The following ITPKB variants were observed in gnomAD, a reference collection of about 807,000 sequenced individuals.
ITPKB encodes the protein inositol-trisphosphate 3-kinase B, also known as IP3 3-kinase B.
In ITPKB, 13 loss-of-function variants were observed where a neutral mutation model predicts 69.4. The observed-to-expected ratio is 0.19, with a 90% CI of 0.12 to 0.30. ITPKB has a LOEUF of 0.30. Ranked by LOEUF, ITPKB falls within the 10% of genes least tolerant of loss-of-function variation. The pLI, the probability that ITPKB is intolerant of heterozygous loss-of-function variation, is 1.00. For synonymous variants in ITPKB, 584 were observed against 513.7 expected, an observed-to-expected ratio of 1.14 and a Z score of -1.85; for missense variants, 1,240 against 1,250.5, an observed-to-expected ratio of 0.99 and a Z score of 0.13.
At chr1:226,640,785 G>T (rs1386309063) in intron 5 of ITPKB, among the ~76,000 whole-genome samples, 1 of 152,180 alleles carries the variant, frequency 6.6e-6, no homozygotes, top group African/African-American at 2.4e-5. Context: ...GACAAAGAAG[G>T]GGGCAAATGC....
chr1:226,706,494 T>C (rs551832673), intron 2 of ITPKB, among the ~76,000 whole-genome samples: 16 of 152,194 alleles, frequency 1.1e-4, no homozygotes, highest in Non-Finnish European at 1.5e-4. Context: ...TTGTTATCAA[T>C]GTCCTGAAAG....
At chr1:226,695,136 A>C (rs914770224) in intron 2 of ITPKB, among the ~76,000 whole-genome samples, 1 of 152,172 alleles carries the variant, frequency 6.6e-6, no homozygotes, top group South Asian at 2.1e-4. Context: ...AGGCTGAGGC[A>C]AGAGAATTGC....
intron 2 of ITPKB, among the ~76,000 whole-genome samples, chr1:226,663,146 ATG>A (rs1212435222): frequency 1.3e-5 from 2 of 152,066 alleles, no homozygotes; most frequent in African/African-American, 2.4e-5. Flanking sequence ...GTGTGACGAT[ATG>A]TGTGATTTTC....
chr1:226,677,675 G>T (rs191057390), intron 2 of ITPKB, among the ~76,000 whole-genome samples: 1 of 152,340 alleles, frequency 6.6e-6, no homozygotes, highest in Non-Finnish European at 1.5e-5. Context: ...GAAGCAAAGA[G>T]AAACTGACGG....
chr1:226,702,090 T>TC (rs1163535090), intron 2 of ITPKB, among the ~76,000 whole-genome samples: 2 of 152,068 alleles, frequency 1.3e-5, no homozygotes, highest in South Asian at 4.2e-4. Context: ...GGGAAATTAT[T>TC]CCCCCAAGAG....
chr1:226,722,137 A>C (rs1657262404), intron 2 of ITPKB, among the ~76,000 whole-genome samples: 2 of 152,208 alleles, frequency 1.3e-5, no homozygotes, highest in African/African-American at 4.8e-5. Context: ...GAAGTTGCTC[A>C]AGTCTTCTTT....
At chr1:226,665,276 C>T (rs752360327) in intron 2 of ITPKB, among the ~76,000 whole-genome samples, 5 of 152,126 alleles carry the variant, frequency 3.3e-5, no homozygotes, top group African/African-American at 9.7e-5. Context: ...GAGTTTGAGC[C>T]GCTGGATTTA....
At chr1:226,655,607 T>C (rs998639367) in intron 2 of ITPKB, among the ~76,000 whole-genome samples, 4 of 152,230 alleles carry the variant, frequency 2.6e-5, no homozygotes, top group African/African-American at 9.6e-5. Flanking sequence ...CTGGCCTTGC[T>C]TCCTGTCCCT....
rs373220209 is a variant in ITPKB at position 226,737,141 on chromosome 1, C to T, written c.318G>A (p.Leu106=). ...CCACCACCTGCTGCCGGTCCCCTCG[C>T]AGGCGACCAGCCCAACTTGGGCTGC... The part of the protein sequence containing the change: ...SVSSPSWAGR[L]RGDRQQVVAA... The change falls in exon 2 of 8, where the codon CTG becomes CTA. Residue 106 remains leucine, a synonymous_variant. Transcript: ENST00000429204. 20 of 1,600,744 alleles carry T rather than the reference C, an allele frequency of 1.2e-5. No individual in the cohort carries two copies. The highest frequency in any genetic ancestry group is 1.1e-4 in the East Asian group (5 of 44,826).
Position 226,735,936 on chromosome 1 carries a change from A to G in ITPKB, c.1523T>C (p.Val508Ala). ...GGCTTTCTCCATGGTGCCCTGCCAA[A>G]CCCTGGAGTTCCCAGGCTGCACACC... Reference protein sequence around the residue: ...RVGVQPGNSRVWQGTMEKAGL... With the variant: ...RVGVQPGNSRAWQGTMEKAGL... Residue 508 changes from valine to alanine, a missense_variant, in exon 2 of 8, where the codon GTT (valine) becomes GCT (alanine). Physicochemically the swap from Val to Ala is moderately conservative, Grantham distance 64. Coordinates refer to ENST00000429204, the MANE Select transcript of ITPKB (RefSeq NM_002221.4). 2 of 1,613,996 alleles carry G rather than the reference A, an allele frequency of 1.2e-6. No individual in the cohort carries two copies. The highest frequency in any genetic ancestry group is 8.5e-7 in the Non-Finnish European group (1 of 1,179,984).
chr1:226,733,795 T>C (rs545071252), intron 2 of ITPKB, among the ~76,000 whole-genome samples: 2 of 152,352 alleles, frequency 1.3e-5, no homozygotes, highest in East Asian at 3.8e-4. Flanking sequence ...GGCATCGTTC[T>C]GGCAAATGGA....
At chr1:226,644,180 C>T (rs183676424) in intron 4 of ITPKB, among the ~76,000 whole-genome samples, 1 of 152,372 alleles carries the variant, frequency 6.6e-6, no homozygotes. Flanking sequence ...CAGTCACTCA[C>T]TGCCCAGGAG....
intron 4 of ITPKB, among the ~76,000 whole-genome samples, chr1:226,644,516 A>G (rs72754511): frequency 0.038 from 5,766 of 152,264 alleles, 134 homozygotes; most frequent in Non-Finnish European, 0.055. Flanking sequence ...CCTGGTCCCA[A>G]TGTCAGGAAG....
intron 2 of ITPKB, among the ~76,000 whole-genome samples, chr1:226,655,663 C>T (rs1669274192): frequency 6.6e-6 from 1 of 152,256 alleles, no homozygotes; most frequent in Non-Finnish European, 1.5e-5. Flanking sequence ...CTGCCCAGCC[C>T]AGCCTTCTCC....
rs764327476 is a variant in ITPKB, at chr1:226,737,034, T to C, written c.425A>G (p.Gln142Arg). 2 of 1,612,490 alleles carry C rather than the reference T, an allele frequency of 1.2e-6. No homozygotes were observed. The highest frequency in any genetic ancestry group is 1.7e-6 in the Non-Finnish European group (2 of 1,179,924). ...RILQRELQNVQVNQKVGMFEA... is the reference protein window; with the variant it reads ...RILQRELQNVRVNQKVGMFEA... ...AAACATGCCCACTTTCTGGTTCACC[T>C]GCACGTTCTGCAACTCGCGCTGCAA... The change falls in exon 2 of 8, where the codon CAG becomes CGG. Residue 142 changes from glutamine to arginine, a missense_variant. By Grantham distance (43) the Gln-to-Arg change is conservative (BLOSUM62 1). Around this residue, in one of 2 missense-constraint regions of ITPKB, gnomAD observed 992 missense variants for 853.8 expected, o/e 1.16. Coordinates refer to ENST00000429204, the MANE Select transcript of ITPKB (RefSeq NM_002221.4).
intron 7 of ITPKB, among the ~76,000 whole-genome samples, chr1:226,635,088 G>A (rs1010595505): frequency 6.6e-6 from 1 of 152,144 alleles, no homozygotes; most frequent in African/African-American, 2.4e-5. Context: ...GGGTTCCAGG[G>A]TCGGCGACCA....
At chr1:226,650,609 A>T (rs1251255134) in intron 2 of ITPKB, among the ~76,000 whole-genome samples, 1 of 152,236 alleles carries the variant, frequency 6.6e-6, no homozygotes, top group Non-Finnish European at 1.5e-5. Context: ...CTCAGGGGGA[A>T]GCCATTACGG....
rs544598587 is a variant in ITPKB at position 226,654,057 on chromosome 1, T to A, written c.1933-5286A>T. Among the ~76,000 whole-genome samples, 47 of 151,852 alleles carry A rather than the reference T, an allele frequency of 3.1e-4. No individual in the cohort carries two copies. The South Asian group carries it at 9.8e-3, about 32-fold the overall frequency. On this transcript the variant is annotated intron_variant, in intron 2 of 7. Transcript: ENST00000429204. Reference sequence around the variant, plus strand: ...CTCAGAGAAATGTGGAAAGAAAGGATCAGAAAACAGCCGGACCAGGGTGAG... The same window carrying A: ...CTCAGAGAAATGTGGAAAGAAAGGAACAGAAAACAGCCGGACCAGGGTGAG...
chr1:226,648,181 C>T (rs866507118), intron 3 of ITPKB, among the ~76,000 whole-genome samples: 6 of 152,316 alleles, frequency 3.9e-5, no homozygotes, highest in South Asian at 4.2e-4. Flanking sequence ...GTGGCTTGGC[C>T]GCATCTTCCA....
Sources: allele counts gnomAD v4.1 joint callset (sites outside exome capture counted in the v4.1 genomes callset), GRCh38; gene constraint gnomAD v4.1.1; regional missense constraint gnomAD v4.1.1; transcripts MANE v1.5; gene names NCBI Gene and HGNC (gene_info 2026-07-23, HGNC 2026-07-21).